The following ACKR3 variants were observed in gnomAD, a reference collection of about 807,000 sequenced individuals.
The protein encoded by ACKR3 is C-X-C chemokine receptor type 7.
Under a neutral mutation model 22.4 loss-of-function variants are expected in ACKR3, and 6 were observed. The ratio of observed to expected loss-of-function variants is 0.27; its 90% CI spans 0.15 to 0.53. ACKR3 has a LOEUF of 0.53. Among genes scored for constraint, ACKR3 ranks in the 20% least tolerant of loss-of-function variants. The pLI is 0.96. For missense variants in ACKR3, 396 were observed against 475.2 expected (o/e 0.83, Z 1.55); for synonymous variants, 209 against 205.2 (o/e 1.02, Z -0.16).
chr2:236,581,649 C>A lies in ACKR3; in HGVS notation c.*95C>A, dbSNP rs1429986090. On this transcript the variant is annotated 3_prime_UTR_variant, in exon 2 of 2. Transcript: ENST00000272928. This position sits in a 1 kb window ranked among gnomAD's most constrained non-coding sequence, Gnocchi z 4.4. ...AGAGCAAAGCAAAGTAGCTTCGGGTCTTGATGCTTGAGTAGAGTGAAGAGG... is the reference window on the plus strand; with the variant it reads ...AGAGCAAAGCAAAGTAGCTTCGGGTATTGATGCTTGAGTAGAGTGAAGAGG... The A allele has an allele frequency of 2.7e-6, 4 of 1,466,580 alleles. No homozygotes were observed. The highest frequency in any genetic ancestry group is 4.6e-5 in the East Asian group (2 of 43,392). The allele number at this position is 1,466,580 out of a possible 1,614,324, so 90.8% of individuals were successfully genotyped here.
the ACKR3 span, among the ~76,000 whole-genome samples, chr2:236,542,341 A>T: frequency 2.9e-4 from 44 of 152,332 alleles, no homozygotes; most frequent in African/African-American, 1.0e-3. Context: ...AAACACCAGC[A>T]CATCACTGGA....
chr2:236,551,254 C>T, the ACKR3 span, among the ~76,000 whole-genome samples: 1 of 152,204 alleles, frequency 6.6e-6, no homozygotes, highest in South Asian at 2.1e-4. Context: ...GTCCAGTTCT[C>T]AGGCTTCATG....
At position 236,576,435 on chromosome 2, in the gene ACKR3, C is replaced by T. The variant is rs1347889367; in HGVS notation, c.-26-4005C>T. Among the ~76,000 whole-genome samples, 12 of 152,298 alleles carry T rather than the reference C, an allele frequency of 7.9e-5. No individual in the cohort carries two copies. The East Asian group carries it at 1.5e-3, about 20-fold the overall frequency. On this transcript the variant is annotated intron_variant, in intron 1 of 1. Transcript: ENST00000272928. ...GGGCCCGCTGGGGGTTCATTAGAGG[C>T]CTCCCTCCCTCTCTCCACTTTCAGA...
At chr2:236,567,064 G>C (rs1691201201), upstream of ACKR3, among the ~76,000 whole-genome samples, 1 of 151,768 alleles carries the variant, frequency 6.6e-6, no homozygotes, top group Non-Finnish European at 1.5e-5. Context: ...GATTGCAATG[G>C]TGCAATCCCG....
the ACKR3 span, among the ~76,000 whole-genome samples, chr2:236,545,141 C>T: frequency 6.6e-6 from 1 of 152,158 alleles, no homozygotes; most frequent in East Asian, 1.9e-4. The surrounding 1 kb of genome is among the most constrained non-coding windows in gnomAD (Gnocchi z 5.3). Context: ...TGTGGGACAC[C>T]CCGGGTCCTT....
intron 1 of ACKR3, among the ~76,000 whole-genome samples, chr2:236,571,966 T>G (rs1691320044): frequency 6.6e-6 from 1 of 152,206 alleles, no homozygotes; most frequent in Non-Finnish European, 1.5e-5. Context: ...TAAAACGCCT[T>G]CAATTGGATT....
At chr2:236,552,690 G>A in the ACKR3 span, among the ~76,000 whole-genome samples, 1 of 152,210 alleles carries the variant, frequency 6.6e-6, no homozygotes. Context: ...AATATTTACA[G>A]AGGCATGCTC....
the ACKR3 span, among the ~76,000 whole-genome samples, chr2:236,542,939 T>C: frequency 1.2e-5 from 1 of 84,192 alleles, no homozygotes; most frequent in South Asian, 2.9e-4. Flanking sequence ...ACTTGTACAA[T>C]ACATTCTATA....
At chr2:236,565,194 C>A (rs1186556700), upstream of ACKR3, among the ~76,000 whole-genome samples, 15 of 151,920 alleles carry the variant, frequency 9.9e-5, no homozygotes, top group East Asian at 1.9e-3. Flanking sequence ...TCGTTTAATC[C>A]TGACAAGCAC....
At position 236,580,498 on chromosome 2, in the gene ACKR3, A is replaced by G; in HGVS notation, c.33A>G (p.Pro11=). Residue 11 remains proline (P), a synonymous_variant, in exon 2 of 2, where the codon CCA becomes CCG. Transcript: ENST00000272928. ...TGCATCTCTTCGACTACTCAGAGCC[A>G]GGGAACTTCTCGGACATCAGCTGGC... MDLHLFDYSE[P]GNFSDISWPC... is the part of the protein sequence containing the mutation. The G allele has an allele frequency of 1.2e-6, 2 of 1,613,952 alleles. No individual in the cohort carries two copies. Among genetic ancestry groups the G allele is most frequent in the East Asian group, 2.2e-5 (1 of 44,872 alleles).
chr2:236,552,415 TC>T, the ACKR3 span, among the ~76,000 whole-genome samples: 36,678 of 152,050 alleles, frequency 0.24, 6,508 homozygotes, highest in African/African-American at 0.5. Context: ...CTGTCAACAG[TC>T]CCCCATCACC....
At chr2:236,565,915 C>A (rs916790191), upstream of ACKR3, among the ~76,000 whole-genome samples, 2 of 152,134 alleles carry the variant, frequency 1.3e-5, no homozygotes, top group African/African-American at 4.8e-5. Flanking sequence ...CCTGCCATGC[C>A]CAGCTACCAG....
intron 1 of ACKR3, among the ~76,000 whole-genome samples, chr2:236,571,618 G>GAAAAAAAAAAAAAAA (rs397988342): frequency 2.6e-5 from 2 of 76,612 alleles, no homozygotes; most frequent in African/African-American, 4.6e-5. Context: ...CTTTCTGAAT[G>GAAAAAAAAAAAAAAA]AAAAAAAAAA....
chr2:236,549,545 C>T, the ACKR3 span, among the ~76,000 whole-genome samples: 1 of 152,138 alleles, frequency 6.6e-6, no homozygotes, highest in Non-Finnish European at 1.5e-5. This position sits in a 1 kb window ranked among gnomAD's most constrained non-coding sequence, Gnocchi z 5.3. Context: ...AGATATGTGG[C>T]CAGTAGTTTT....
At chr2:236,538,577 G>C in the ACKR3 span, among the ~76,000 whole-genome samples, 1 of 152,158 alleles carries the variant, frequency 6.6e-6, no homozygotes, top group Non-Finnish European at 1.5e-5. Context: ...GGTGGACCGG[G>C]GCAGAGCTTG....
the ACKR3 span, among the ~76,000 whole-genome samples, chr2:236,542,837 T>G: frequency 0.079 from 8,800 of 111,518 alleles, 324 homozygotes; most frequent in Non-Finnish European, 0.098. Context: ...CAAACCAAAT[T>G]GGCAGCATGA....
the ACKR3 span, among the ~76,000 whole-genome samples, chr2:236,540,345 G>A: frequency 6.7e-5 from 10 of 148,442 alleles, no homozygotes; most frequent in South Asian, 2.2e-4. Flanking sequence ...TTTTGTGTTC[G>A]TCTTTTGTCT....
the ACKR3 span, among the ~76,000 whole-genome samples, chr2:236,560,910 TC>T: frequency 6.6e-6 from 1 of 152,198 alleles, no homozygotes; most frequent in Non-Finnish European, 1.5e-5. Context: ...AGCCTAAATG[TC>T]CTTTGTCAGG....
the ACKR3 span, among the ~76,000 whole-genome samples, chr2:236,553,299 C>A: frequency 6.6e-6 from 1 of 152,210 alleles, no homozygotes; most frequent in Non-Finnish European, 1.5e-5. Flanking sequence ...GAGAGTAGAC[C>A]TGGAGGGGCA....
Sources: allele counts gnomAD v4.1 joint callset (sites outside exome capture counted in the v4.1 genomes callset), GRCh38; gene constraint gnomAD v4.1.1; non-coding constraint Gnocchi (gnomAD v3.1); transcripts MANE v1.5; gene names NCBI Gene and HGNC (gene_info 2026-07-23, HGNC 2026-07-21).